The following THSD7A variants were observed in gnomAD, a reference collection of about 807,000 sequenced individuals.
The protein encoded by THSD7A is thrombospondin type 1 domain containing 7A.
A neutral mutation model predicts 231.3 loss-of-function variants in THSD7A; 96 were observed. The ratio of observed to expected loss-of-function variants is 0.41; its 90% confidence interval spans 0.35 to 0.49. THSD7A has a LOEUF of 0.49. Among genes scored for constraint, THSD7A ranks in the 20% least tolerant of loss-of-function variants. The probability of loss-of-function intolerance (pLI) is 0.05; values close to 1 mark genes in which losing one functional copy is unlikely to be tolerated. For synonymous variants in THSD7A, 940 were observed against 743.3 expected (o/e 1.26, Z -4.30); for missense variants, 2,290 against 2,070.2 (o/e 1.11, Z -2.06).
chr7:11,581,473 T>A (rs1049968986), intron 4 of THSD7A, among the ~76,000 whole-genome samples: 1 of 152,060 alleles, frequency 6.6e-6, no homozygotes, highest in Non-Finnish European at 1.5e-5. Context: ...TTTGCCAATG[T>A]CATTTTTGTC....
intron 1 of THSD7A, among the ~76,000 whole-genome samples, chr7:11,740,821 C>T (rs1369618388): frequency 6.6e-6 from 1 of 151,998 alleles, no homozygotes; most frequent in Non-Finnish European, 1.5e-5. Flanking sequence ...AGAACACAAA[C>T]TACATCACTT....
intron 1 of THSD7A, among the ~76,000 whole-genome samples, chr7:11,761,888 C>T (rs1360943282): frequency 6.6e-6 from 1 of 152,060 alleles, no homozygotes; most frequent in Non-Finnish European, 1.5e-5. Context: ...GTAGTCTCTT[C>T]AACACTTGCC....
At chr7:11,562,289 TCA>T (rs1790108194) in intron 4 of THSD7A, among the ~76,000 whole-genome samples, 1 of 152,228 alleles carries the variant, frequency 6.6e-6, no homozygotes. Context: ...CTTTGAATTC[TCA>T]GACTATTTTG....
At chr7:11,436,300 G>T (rs1241453011) in intron 13 of THSD7A, among the ~76,000 whole-genome samples, 1 of 152,088 alleles carries the variant, frequency 6.6e-6, no homozygotes, top group Non-Finnish European at 1.5e-5. Flanking sequence ...CCAGTGCAAT[G>T]CACTGTTCTT....
At chr7:11,807,562 C>T (rs1784430282) in intron 1 of THSD7A, among the ~76,000 whole-genome samples, 1 of 151,912 alleles carries the variant, frequency 6.6e-6, no homozygotes, top group African/African-American at 2.4e-5. Flanking sequence ...TAACAGTAAA[C>T]CAAATTAGAA....
At chr7:11,804,068 T>C (rs1784343206) in intron 1 of THSD7A, among the ~76,000 whole-genome samples, 2 of 152,252 alleles carry the variant, frequency 1.3e-5, no homozygotes, top group African/African-American at 4.8e-5. Flanking sequence ...ATTATTTTGG[T>C]TTATATTTTA....
chr7:11,828,206 T>C (rs537444178), intron 1 of THSD7A, among the ~76,000 whole-genome samples: 1 of 152,342 alleles, frequency 6.6e-6, no homozygotes, highest in African/African-American at 2.4e-5. Flanking sequence ...TGTTTGAAAG[T>C]TTATTGATAA....
intron 1 of THSD7A, among the ~76,000 whole-genome samples, chr7:11,724,484 G>C (rs996524161): frequency 6.6e-6 from 1 of 151,682 alleles, no homozygotes; most frequent in Non-Finnish European, 1.5e-5. Flanking sequence ...ATGTTACTGT[G>C]GATCAAGACC....
rs780921675 is a variant in THSD7A at position 11,474,410 on chromosome 7, C to G, written c.2176G>C (p.Ala726Pro). 26 of 1,613,606 alleles carry G rather than the reference C, an allele frequency of 1.6e-5. No individual in the cohort carries two copies. Among genetic ancestry groups the G allele is most frequent in the Non-Finnish European group, 2.1e-5 (25 of 1,179,606 alleles). ...FNTTTTWNGE[A>P]SCSVGMQTRK... ...GTCTGCATGCCGACAGAGCAGGAGG[C>G]CTCCCCATTCCAAGTCGTAGTTGTG... The change falls in exon 8 of 28, where the codon GCC (alanine) becomes CCC (proline). Residue 726 changes from alanine to proline, a missense_variant. Transcript: ENST00000423059. This position sits in a 1 kb window ranked among gnomAD's most constrained non-coding sequence, Gnocchi z 4.1.
intron 1 of THSD7A, among the ~76,000 whole-genome samples, chr7:11,812,613 G>A (rs935313847): frequency 1.3e-5 from 2 of 152,046 alleles, no homozygotes; most frequent in Non-Finnish European, 2.9e-5. Context: ...CTATCTCCCT[G>A]TGCTTGTGTG....
chr7:11,579,629 G>A (rs1234540606), intron 4 of THSD7A, among the ~76,000 whole-genome samples: 3 of 152,122 alleles, frequency 2.0e-5, no homozygotes, highest in South Asian at 4.1e-4. Flanking sequence ...AGATGAAACA[G>A]TATCTATCCT....
chr7:11,477,923 T>C (rs570791423), intron 7 of THSD7A, among the ~76,000 whole-genome samples: 8 of 152,352 alleles, frequency 5.3e-5, no homozygotes, highest in African/African-American at 1.7e-4. Flanking sequence ...CACACTTACA[T>C]TGATGTTTAT....
At chr7:11,720,861 G>A (rs919810035) in intron 1 of THSD7A, among the ~76,000 whole-genome samples, 3 of 151,404 alleles carry the variant, frequency 2.0e-5, no homozygotes, top group Admixed American at 6.6e-5. Flanking sequence ...TTTACCACTC[G>A]GACTGCTCCT....
intron 6 of THSD7A, among the ~76,000 whole-genome samples, chr7:11,491,307 G>C (rs1486231507): frequency 2.0e-5 from 3 of 151,918 alleles, no homozygotes; most frequent in African/African-American, 7.2e-5. Context: ...AAGTATCTTT[G>C]GGCTTCAATT....
At chr7:11,748,269 A>G (rs1033319268) in intron 1 of THSD7A, among the ~76,000 whole-genome samples, 3 of 151,964 alleles carry the variant, frequency 2.0e-5, no homozygotes, top group Admixed American at 6.6e-5. Context: ...AATAGTAACA[A>G]ACAGGTTTCT....
intron 23 of THSD7A, among the ~76,000 whole-genome samples, chr7:11,396,899 C>T (rs916837963): frequency 7.2e-5 from 11 of 152,168 alleles, no homozygotes; most frequent in Non-Finnish European, 1.0e-4. Context: ...ACTGGCACAT[C>T]GAATCCAGCA....
At chr7:11,617,902 G>A (rs1036641598) in intron 2 of THSD7A, among the ~76,000 whole-genome samples, 7 of 151,986 alleles carry the variant, frequency 4.6e-5, no homozygotes, top group Non-Finnish European at 1.0e-4. Context: ...CAAGTTAATG[G>A]GTGCAGCACA....
chr7:11,519,193 G>A (rs928797040), intron 6 of THSD7A, among the ~76,000 whole-genome samples: 1 of 152,030 alleles, frequency 6.6e-6, no homozygotes, highest in African/African-American at 2.4e-5. Context: ...TTATCACAAA[G>A]CAAACACCTG....
At chr7:11,671,967 A>G (rs2128378763) in intron 1 of THSD7A, among the ~76,000 whole-genome samples, 1 of 152,300 alleles carries the variant, frequency 6.6e-6, no homozygotes, top group Admixed American at 6.5e-5. Context: ...TCTTAGCTTC[A>G]TTCTTCATTT....
Sources: allele counts gnomAD v4.1 joint callset (sites outside exome capture counted in the v4.1 genomes callset), GRCh38; gene constraint gnomAD v4.1.1; non-coding constraint Gnocchi (gnomAD v3.1); transcripts MANE v1.5; gene names NCBI Gene and HGNC (gene_info 2026-07-23, HGNC 2026-07-21).